Variants in C10orf71 observed in about 807,000 individuals in gnomAD.
C10orf71 encodes cardiac-enriched FHL2-interacting protein.
For synonymous variants in C10orf71, 758 were observed against 726.3 expected, an observed-to-expected ratio of 1.04 and a Z score of -0.70; for missense variants, 1,869 against 1,804.5, an observed-to-expected ratio of 1.04 and a Z score of -0.65.
Position 49,326,932 on chromosome 10 carries a change from C to CACACACACACAT in C10orf71, c.*90_*91insTACACACACACA. The CACACACACACAT allele has an allele frequency of 6.6e-7, 1 of 1,522,772 alleles. No homozygotes were observed. Among genetic ancestry groups the CACACACACACAT allele is most frequent in the Non-Finnish European group, 8.8e-7 (1 of 1,131,358 alleles). 94.3% of individuals were successfully genotyped at this position (1,522,772 alleles called of 1,614,324 possible). On this transcript the variant is annotated 3_prime_UTR_variant, in exon 3 of 3. Transcript: ENST00000374144. ...CCTCCCCCAAAACAAGCAACACACA[C>CACACACACACAT]ACACACACACACACACACACACACA...
chr10:49,314,360 C>T (rs77820998), intron 1 of C10orf71, among the ~76,000 whole-genome samples: 1,589 of 152,232 alleles, frequency 0.01, 16 homozygotes, highest in Non-Finnish European at 0.019. Context: ...AAAACATGGC[C>T]CTGCCATGTG....
At chr10:49,303,477 C>A (rs1377328915) in intron 1 of C10orf71, among the ~76,000 whole-genome samples, 1 of 152,176 alleles carries the variant, frequency 6.6e-6, no homozygotes, top group African/African-American at 2.4e-5. Flanking sequence ...CACTCAAGAC[C>A]CAGATCAGCT....
At position 49,326,088 on chromosome 10, in the gene C10orf71, G is replaced by A; in HGVS notation, c.3543G>A (p.Leu1181=). Residue 1181 remains leucine (L), a synonymous_variant, in exon 3 of 3, where the codon CTG becomes CTA. Coordinates refer to ENST00000374144, the MANE Select transcript of C10orf71 (RefSeq NM_001135196.2). Reference sequence around the variant, plus strand: ...TCCCACCCAAAACAGAGAAAGCCCTGCGGCGGGCAAAGAAGCTGGCAAGTA... The same window carrying A: ...TCCCACCCAAAACAGAGAAAGCCCTACGGCGGGCAAAGAAGCTGGCAAGTA... The part of the protein sequence containing the change: ...PAVPPKTEKA[L]RRAKKLASKR... 3 of 1,551,744 alleles carry A rather than the reference G, an allele frequency of 1.9e-6. No individual in the cohort carries two copies. Among genetic ancestry groups the A allele is most frequent in the Non-Finnish European group, 2.6e-6 (3 of 1,146,988 alleles).
intron 1 of C10orf71, among the ~76,000 whole-genome samples, chr10:49,306,191 T>C (rs1057179388): frequency 2.0e-5 from 3 of 152,158 alleles, no homozygotes; most frequent in African/African-American, 7.2e-5. Flanking sequence ...CCTGCTGTGG[T>C]GGGGATCCAG....
In C10orf71 at chr10:49,324,715, G is replaced by T. The variant is rs775298679; in HGVS notation, c.2170G>T (p.Gly724Cys). The T allele has an allele frequency of 4.4e-6, 7 of 1,593,766 alleles. No individual in the cohort carries two copies. The South Asian group carries it at 7.9e-5, about 18-fold the overall frequency. ...ATCCGATTTTATGCCAAGCCTCAAA[G>T]GTAAGGCCAAATTCAGCACCAGCTC... ...SQSDFMPSLK[G>C]KAKFSTSSSD... is the part of the protein sequence containing the mutation. Residue 724 changes from glycine to cysteine, a missense_variant, in exon 3 of 3, where the codon GGT becomes TGT. Gly to Cys is a radical substitution (Grantham distance 159). Transcript: ENST00000374144.
In C10orf71 at chr10:49,327,034, C is replaced by T; in HGVS notation, c.*181C>T. 6.3e-7 allele frequency: 1 copy of T among 1,576,480 alleles called. No homozygotes were observed. The highest frequency in any genetic ancestry group is 8.6e-7 in the Non-Finnish European group (1 of 1,159,200). On this transcript the variant is annotated 3_prime_UTR_variant, in exon 3 of 3. Coordinates refer to ENST00000374144, the MANE Select transcript of C10orf71 (RefSeq NM_001135196.2). Reference sequence around the variant, plus strand: ...GGCAGTAGGGATCCCAAGACGACCTCACCCAAAGGGCTCCCTGGCTCTCCT... The same window carrying T: ...GGCAGTAGGGATCCCAAGACGACCTTACCCAAAGGGCTCCCTGGCTCTCCT...
rs1220575165 is a variant in C10orf71 at position 49,323,345 on chromosome 10, G to A, written c.800G>A (p.Gly267Asp). 1.5e-5 allele frequency: 24 copies of A among 1,613,726 alleles called. No homozygotes were observed. Among genetic ancestry groups the A allele is most frequent in the Non-Finnish European group, 2.0e-5 (24 of 1,179,838 alleles). ...PVTGEPGRGK[G>D]TFLHSENSAF... is the part of the protein sequence containing the mutation. ...ACGGGTGAGCCTGGGAGAGGCAAAG[G>A]TACCTTTCTGCACAGTGAAAATAGT... The change falls in exon 3 of 3, where the codon GGT becomes GAT. Residue 267 changes from glycine (G) to aspartate (D), a missense_variant. Transcript: ENST00000374144.
chr10:49,310,076 G>T (rs1358414563), intron 1 of C10orf71, among the ~76,000 whole-genome samples: 1 of 152,212 alleles, frequency 6.6e-6, no homozygotes, highest in Non-Finnish European at 1.5e-5. Context: ...CAGGGATGAG[G>T]AGGAAAATGG....
chr10:49,324,163 A>T lies in C10orf71; in HGVS notation c.1618A>T (p.Asn540Tyr), dbSNP rs1849164167. Residue 540 changes from asparagine to tyrosine, a missense_variant, in exon 3 of 3, where the codon AAC becomes TAC. Physicochemically the swap from Asn to Tyr is moderately radical, Grantham distance 143. Coordinates refer to ENST00000374144, the MANE Select transcript of C10orf71 (RefSeq NM_001135196.2). ...TGATGGAAAGCAAGAACCTGTGAGCAACGGTGTCATCCTCCCCAATGGGCT... is the reference window on the plus strand; with the variant it reads ...TGATGGAAAGCAAGAACCTGTGAGCTACGGTGTCATCCTCCCCAATGGGCT... ...KVDGKQEPVSNGVILPNGLEE... is the reference protein window; with the variant it reads ...KVDGKQEPVSYGVILPNGLEE... 6.2e-7 allele frequency: 1 copy of T among 1,614,008 alleles called. No individual in the cohort carries two copies. Among genetic ancestry groups the T allele is most frequent in the Non-Finnish European group, 8.5e-7 (1 of 1,179,902 alleles).
chr10:49,320,585 A>G (rs1192695188), intron 2 of C10orf71, among the ~76,000 whole-genome samples: 21 of 152,234 alleles, frequency 1.4e-4, no homozygotes, highest in Admixed American at 1.3e-3. Flanking sequence ...AAAATAAACC[A>G]TGCACAGTGA....
intron 2 of C10orf71, among the ~76,000 whole-genome samples, chr10:49,317,426 TA>T (rs558835884): frequency 2.5e-3 from 381 of 152,176 alleles, no homozygotes; most frequent in African/African-American, 8.6e-3. Context: ...ATGCACCCTC[TA>T]AAAAAAATCG....
chr10:49,301,586 G>C (rs1848730439), intron 1 of C10orf71, among the ~76,000 whole-genome samples: 1 of 152,200 alleles, frequency 6.6e-6, no homozygotes, highest in African/African-American at 2.4e-5. Context: ...TTCCCTGGAA[G>C]GGGCTGCCTG....
chr10:49,308,744 T>C (rs973541110), intron 1 of C10orf71, among the ~76,000 whole-genome samples: 2 of 152,198 alleles, frequency 1.3e-5, no homozygotes, highest in East Asian at 1.9e-4. Flanking sequence ...AATAAGTAGT[T>C]GTTGAATGGA....
Position 49,327,147 on chromosome 10 carries a change from T to G in C10orf71, c.*294T>G. On this transcript the variant is annotated 3_prime_UTR_variant, in exon 3 of 3. Coordinates refer to ENST00000374144, the MANE Select transcript of C10orf71 (RefSeq NM_001135196.2). The stretch of plus-strand genomic sequence containing the variant: ...ACTCCAGCCCTTCTCCCTCCCTCCC[T>G]TCCTCCCTCTCCTGGCCCACCCTGC... 2.8e-5 allele frequency: 25 copies of G among 896,376 alleles called. No homozygotes were observed. Among genetic ancestry groups the G allele is most frequent in the East Asian group, 1.1e-4 (2 of 18,870 alleles). 55.5% of individuals were successfully genotyped at this position (896,376 alleles called of 1,614,324 possible). A position where few individuals can be genotyped will look rare whatever the true frequency, so the allele number is the denominator to read the frequency against.
chr10:49,322,494 A>G lies in C10orf71; in HGVS notation c.-52A>G. 1 of 1,516,762 alleles carries G rather than the reference A, an allele frequency of 6.6e-7. No individual in the cohort carries two copies. 94.0% of individuals were successfully genotyped at this position (1,516,762 alleles called of 1,614,324 possible). A position where few individuals can be genotyped will look rare whatever the true frequency, so the allele number is the denominator to read the frequency against. On this transcript the variant is annotated 5_prime_UTR_variant, in exon 3 of 3. Transcript: ENST00000374144. Reference sequence around the variant, plus strand: ...GGAAACACCTAACCTTGACAGAATCATCACCAGAGACACCTGCCGGCTGAC... The same window carrying G: ...GGAAACACCTAACCTTGACAGAATCGTCACCAGAGACACCTGCCGGCTGAC...
chr10:49,318,044 C>G (rs1849029156), intron 2 of C10orf71, among the ~76,000 whole-genome samples: 1 of 152,140 alleles, frequency 6.6e-6, no homozygotes, highest in Non-Finnish European at 1.5e-5. Flanking sequence ...GGACTTCTAG[C>G]CTCCAGAACT....
chr10:49,320,558 T>C (rs528046276), intron 2 of C10orf71, among the ~76,000 whole-genome samples: 2 of 152,300 alleles, frequency 1.3e-5, no homozygotes, highest in East Asian at 1.9e-4. Context: ...TCTTCGATCA[T>C]GCTTGGTACC....
In C10orf71 at chr10:49,326,402, T is replaced by C; in HGVS notation, c.3857T>C (p.Phe1286Ser). Residue 1286 changes from phenylalanine (F) to serine (S), a missense_variant, in exon 3 of 3, where the codon TTT becomes TCT. Transcript: ENST00000374144. ...CAGGATCCGCAGTCCGGGGAGTACT[T>C]TGTCTTCGACTTGCCACTCCAGGTG... The part of the protein sequence containing the change: ...VLQDPQSGEY[F>S]VFDLPLQVKI... 6.4e-7 allele frequency: 1 copy of C among 1,550,506 alleles called. No individual in the cohort carries two copies. Among genetic ancestry groups the C allele is most frequent in the Non-Finnish European group, 8.7e-7 (1 of 1,146,910 alleles).
At chr10:49,305,888 T>C (rs1848804350) in intron 1 of C10orf71, among the ~76,000 whole-genome samples, 2 of 152,306 alleles carry the variant, frequency 1.3e-5, no homozygotes, top group Non-Finnish European at 1.5e-5. Flanking sequence ...AATCACTAAG[T>C]TGTGAAGAGG....
Sources: allele counts gnomAD v4.1 joint callset (sites outside exome capture counted in the v4.1 genomes callset), GRCh38; gene constraint gnomAD v4.1.1; transcripts MANE v1.5; gene names NCBI Gene and HGNC (gene_info 2026-07-23, HGNC 2026-07-21).